The following DISP1 variants were observed in gnomAD, a reference collection of about 807,000 sequenced individuals.
DISP1 encodes protein dispatched homolog 1.
A neutral mutation model predicts 37.3 loss-of-function variants in DISP1; 30 were observed. That is an observed-to-expected ratio of 0.80 (90% CI 0.60 to 1.09). The LOEUF is 1.09. DISP1 is among the 50% of genes least tolerant of loss of function. The probability of loss-of-function intolerance (pLI) is 0.00; values close to 1 mark genes in which losing one functional copy is unlikely to be tolerated. For missense variants in DISP1, 1,598 were observed against 1,879.5 expected (o/e 0.85, Z 2.77); for synonymous variants, 634 against 690.2 (o/e 0.92, Z 1.28).
In DISP1 at chr1:222,846,439, T is replaced by C. The variant is rs531814507; in HGVS notation, c.-159+31361T>C. On this transcript the variant is annotated intron_variant, in intron 1 of 8. Coordinates refer to ENST00000675850, the MANE Select transcript of DISP1 (RefSeq NM_001377229.1). ...CCGGGAGGCAGAGGTTGTGGTGAGC[T>C]GAGATTGTGCCATTGCACTCCAGCC... 7.4e-4 allele frequency among the ~76,000 whole-genome samples: 113 copies of C among 151,880 alleles called. 1 individual carries two copies. The highest frequency in any genetic ancestry group is 1.4e-3 in the African/African-American group (56 of 41,414).
intron 3 of DISP1, among the ~76,000 whole-genome samples, chr1:222,944,244 T>TA (rs556304968): frequency 1.5e-3 from 221 of 152,326 alleles, no homozygotes; most frequent in African/African-American, 5.1e-3. Flanking sequence ...TTAGATCTGG[T>TA]ACCTTGAAAA....
At chr1:222,989,145 C>T (rs1049326638) in intron 4 of DISP1, among the ~76,000 whole-genome samples, 5 of 152,034 alleles carry the variant, frequency 3.3e-5, no homozygotes, top group African/African-American at 1.2e-4. Flanking sequence ...CATATAGTAG[C>T]TTTTTTTCAG....
At chr1:222,905,690 T>A (rs61840865) in intron 1 of DISP1, among the ~76,000 whole-genome samples, 1 of 152,252 alleles carries the variant, frequency 6.6e-6, no homozygotes, top group South Asian at 2.1e-4. Context: ...AATAAAATTA[T>A]AAAATTGACT....
chr1:222,980,868 A>T (rs539025095), intron 3 of DISP1, among the ~76,000 whole-genome samples: 2 of 152,324 alleles, frequency 1.3e-5, no homozygotes, highest in South Asian at 2.1e-4. Context: ...GTGGGAGGTC[A>T]GGAGTTCGAG....
intron 3 of DISP1, among the ~76,000 whole-genome samples, chr1:222,946,235 T>A (rs1439007417): frequency 1.5e-5 from 2 of 132,340 alleles, no homozygotes; most frequent in African/African-American, 5.9e-5. Context: ...AAAAAAAAAA[T>A]TAGCCGGGCA....
At chr1:222,883,083 T>C (rs1670369826) in intron 1 of DISP1, among the ~76,000 whole-genome samples, 1 of 152,166 alleles carries the variant, frequency 6.6e-6, no homozygotes, top group South Asian at 2.1e-4. Context: ...TGTTTTTAAC[T>C]AACATTTTTT....
chr1:222,866,863 G>A (rs377678248), intron 1 of DISP1, among the ~76,000 whole-genome samples: 2 of 151,990 alleles, frequency 1.3e-5, no homozygotes, highest in South Asian at 2.1e-4. Flanking sequence ...AGAATGCAGC[G>A]GAATACTTGC....
chr1:222,972,776 C>T (rs191367310), intron 3 of DISP1, among the ~76,000 whole-genome samples: 15 of 152,220 alleles, frequency 9.9e-5, no homozygotes, highest in Admixed American at 9.2e-4. Flanking sequence ...TGTACCTATA[C>T]GTTATAATTA....
intron 1 of DISP1, among the ~76,000 whole-genome samples, chr1:222,861,552 T>C (rs774410898): frequency 6.6e-6 from 1 of 152,246 alleles, no homozygotes; most frequent in Non-Finnish European, 1.5e-5. Flanking sequence ...TATTGCTTGC[T>C]AGCCATGTCA....
At chr1:222,980,475 A>C (rs958775393) in intron 3 of DISP1, among the ~76,000 whole-genome samples, 2 of 151,506 alleles carry the variant, frequency 1.3e-5, no homozygotes, top group African/African-American at 4.9e-5. Context: ...TACCTATATT[A>C]ATATTTATGT....
chr1:222,835,525 T>G (rs921546451), intron 1 of DISP1, among the ~76,000 whole-genome samples: 1 of 152,228 alleles, frequency 6.6e-6, no homozygotes, highest in African/African-American at 2.4e-5. Flanking sequence ...TTTGTTTAAA[T>G]GCAAAATACC....
In DISP1 at chr1:222,881,748, C is replaced by T. The variant is rs140061084; in HGVS notation, c.-158-46682C>T. ...TGTTTCAGTTGCTTGTAGATTTTTA[C>T]GGGTCATTTTTGCCTTTAGTTCTGG... On this transcript the variant is annotated intron_variant, in intron 1 of 8. Coordinates refer to ENST00000675850, the MANE Select transcript of DISP1 (RefSeq NM_001377229.1). Among the ~76,000 whole-genome samples the T allele has an allele frequency of 2.7e-3, 406 of 152,158 alleles. 1 individual carries two copies. Among genetic ancestry groups the T allele is most frequent in the Middle Eastern group, 0.017 (5 of 292 alleles).
At chr1:222,876,060 A>T (rs1302662017) in intron 1 of DISP1, among the ~76,000 whole-genome samples, 1 of 152,076 alleles carries the variant, frequency 6.6e-6, no homozygotes, top group Non-Finnish European at 1.5e-5. Context: ...CAGAGGACAA[A>T]ATGAGGGTAA....
intron 1 of DISP1, among the ~76,000 whole-genome samples, chr1:222,920,590 T>G (rs1672758899): frequency 6.6e-6 from 1 of 152,194 alleles, no homozygotes; most frequent in African/African-American, 2.4e-5. Context: ...TGAATTCCAG[T>G]GTGAAATCCG....
intron 1 of DISP1, among the ~76,000 whole-genome samples, chr1:222,820,143 T>C (rs1223301497): frequency 6.6e-6 from 1 of 152,164 alleles, no homozygotes; most frequent in Admixed American, 6.5e-5. Flanking sequence ...GTGAAGCTAA[T>C]CAAGGGCAGA....
intron 8 of DISP1, among the ~76,000 whole-genome samples, chr1:222,998,438 T>C (rs1002752355): frequency 1.3e-5 from 2 of 152,042 alleles, no homozygotes; most frequent in African/African-American, 4.8e-5. Flanking sequence ...ACAGCACATT[T>C]AGTTCAAACT....
At chr1:222,861,632 C>A (rs1377375268) in intron 1 of DISP1, among the ~76,000 whole-genome samples, 1 of 152,130 alleles carries the variant, frequency 6.6e-6, no homozygotes, top group Admixed American at 6.5e-5. Flanking sequence ...CACCTAAAGG[C>A]CCTCTACCTC....
chr1:222,835,824 C>T (rs546580718), intron 1 of DISP1, among the ~76,000 whole-genome samples: 27 of 152,018 alleles, frequency 1.8e-4, no homozygotes, highest in Admixed American at 1.3e-3. Flanking sequence ...TGGTGGCACA[C>T]GCCTGTAATC....
intron 1 of DISP1, among the ~76,000 whole-genome samples, chr1:222,859,963 G>A (rs934648225): frequency 6.6e-6 from 1 of 152,214 alleles, no homozygotes; most frequent in African/African-American, 2.4e-5. Context: ...TTGAGAAAAG[G>A]CATAGAAAAA....
Sources: allele counts gnomAD v4.1 joint callset (sites outside exome capture counted in the v4.1 genomes callset), GRCh38; gene constraint gnomAD v4.1.1; transcripts MANE v1.5; gene names NCBI Gene and HGNC (gene_info 2026-07-23, HGNC 2026-07-21).